Variants in METTL2A observed in about 807,000 individuals in gnomAD.
METTL2A encodes the protein methyltransferase 2A, tRNA N3-cytidine, also known as tRNA N(3)-cytidine methyltransferase METTL2A.
METTL2A carries 45 observed loss-of-function variants against 49.4 expected under a neutral mutation model. That is an observed-to-expected ratio of 0.91 (90% CI 0.72 to 1.17). METTL2A has a LOEUF of 1.17. Among genes scored for constraint, METTL2A ranks in the 50% most tolerant of loss-of-function variants. The pLI is 0.00. For missense variants in METTL2A, 361 were observed against 462.2 expected (o/e 0.78, Z 2.01); for synonymous variants, 118 against 167.5 (o/e 0.70, Z 2.28).
At position 62,440,855 on chromosome 17, in the gene METTL2A, G is replaced by A. The variant is rs957365853; in HGVS notation, c.809+99G>A. On this transcript the variant is annotated intron_variant, in intron 6 of 8. Coordinates refer to ENST00000311506, the MANE Select transcript of METTL2A (RefSeq NM_181725.4). ...GTTCTTGCTCTGTCAGCCCAGGCTGGAGTGCAGTGGCACGATCATGGCTCA... is the reference window on the plus strand; with the variant it reads ...GTTCTTGCTCTGTCAGCCCAGGCTGAAGTGCAGTGGCACGATCATGGCTCA... The A allele has an allele frequency of 6.9e-6, 10 of 1,446,358 alleles. No homozygotes were observed. The African/African-American group carries it at 1.0e-4, about 14-fold the overall frequency. 89.6% of individuals were successfully genotyped at this position (1,446,358 alleles called of 1,614,324 possible).
chr17:62,442,878 T>G (rs757511518), intron 6 of METTL2A, among the ~76,000 whole-genome samples: 1 of 152,160 alleles, frequency 6.6e-6, no homozygotes, highest in Admixed American at 6.6e-5. Context: ...GGACCAGTGA[T>G]TGAGATCCTG....
chr17:62,444,506 C>T (rs2070756213), intron 6 of METTL2A, among the ~76,000 whole-genome samples: 1 of 152,188 alleles, frequency 6.6e-6, no homozygotes, highest in African/African-American at 2.4e-5. Flanking sequence ...TCTCAAACTC[C>T]TGACCTCATG....
In METTL2A at chr17:62,426,304, T is replaced by C; in HGVS notation, c.208T>C (p.Tyr70His). 6.3e-7 allele frequency: 1 copy of C among 1,590,476 alleles called. No individual in the cohort carries two copies. The highest frequency in any genetic ancestry group is 8.6e-7 in the Non-Finnish European group (1 of 1,164,446). ...TTTTTCTTAAATATTTACAGTTGAT[T>C]ATGAGATCAATGCCCACAAATACTG... ...QRVCQEKQVD[Y>H]EINAHKYWND... Residue 70 changes from tyrosine (Y) to histidine (H), a missense_variant, in exon 3 of 9, where the codon TAT (tyrosine) becomes CAT (histidine). Tyr to His is a moderately conservative substitution (Grantham distance 83). This residue lies in a region of METTL2A where 150 missense variants were observed against 170.1 expected (regional missense o/e 0.88). Transcript: ENST00000311506.
intron 2 of METTL2A, among the ~76,000 whole-genome samples, chr17:62,424,995 C>T (rs956201402): frequency 2.0e-5 from 3 of 149,574 alleles, no homozygotes; most frequent in African/African-American, 5.0e-5. Flanking sequence ...AAAACATTCA[C>T]CCTGCATATT....
chr17:62,424,297 C>G lies in METTL2A; in HGVS notation c.189C>G (p.Cys63Trp), dbSNP rs750594685. ...AGGAGAACAGTATCCAGCGGGTGTG[C>G]CAGGAGAAACAAGGTGCGCTTAAAT... Reference protein sequence around the residue: ...KVQENSIQRVCQEKQVDYEIN... With the variant: ...KVQENSIQRVWQEKQVDYEIN... Residue 63 changes from cysteine to tryptophan, a missense_variant, in exon 2 of 9, where the codon TGC becomes TGG. By Grantham distance (215) the Cys-to-Trp change is radical (BLOSUM62 -2). Around this residue, in one of 3 missense-constraint regions of METTL2A, gnomAD observed 150 missense variants for 170.1 expected, o/e 0.88. Coordinates refer to ENST00000311506, the MANE Select transcript of METTL2A (RefSeq NM_181725.4). 23 of 1,613,752 alleles carry G rather than the reference C, an allele frequency of 1.4e-5. 1 individual carries two copies. The Admixed American group carries it at 3.8e-4, about 27-fold the overall frequency.
chr17:62,440,482 G>GA (rs995921250), intron 5 of METTL2A, 135 bp from the exon 6 acceptor site: 103 of 1,310,368 alleles, frequency 7.9e-5, no homozygotes, highest in South Asian at 9.8e-5. Context: ...TTTGCCTCAA[G>GA]AAAAAAAAGA....
At chr17:62,441,796 A>C (rs1483822930) in intron 6 of METTL2A, among the ~76,000 whole-genome samples, 1 of 147,846 alleles carries the variant, frequency 6.8e-6, no homozygotes, top group Non-Finnish European at 1.5e-5. Flanking sequence ...GCTGGGGTGC[A>C]GTGATGAGAT....
intron 6 of METTL2A, 141 bp from the exon 7 acceptor site, chr17:62,444,696 G>A (rs1197631937): frequency 2.6e-6 from 2 of 765,248 alleles, no homozygotes; most frequent in African/African-American, 3.5e-5. Flanking sequence ...AGTTCTAACT[G>A]AAGCAAGAGT....
rs2070812126 is a variant in METTL2A at position 62,452,689 on chromosome 17, C to G, written c.*3960C>G. On this transcript the variant is annotated 3_prime_UTR_variant, in exon 9 of 9. Coordinates refer to ENST00000311506, the MANE Select transcript of METTL2A (RefSeq NM_181725.4). ...AATGCAGCAGCACGATCACTGCTCA[C>G]TGCAGCCTCGACCTCCCAGGCTCAG... Among the ~76,000 whole-genome samples, 1 of 152,324 alleles carries G rather than the reference C, an allele frequency of 6.6e-6. No individual in the cohort carries two copies. The highest frequency in any genetic ancestry group is 1.5e-5 in the Non-Finnish European group (1 of 68,028).
In METTL2A at chr17:62,449,244, G is replaced by A. The variant is rs186864907; in HGVS notation, c.*515G>A. On this transcript the variant is annotated 3_prime_UTR_variant, in exon 9 of 9. Coordinates refer to ENST00000311506, the MANE Select transcript of METTL2A (RefSeq NM_181725.4). The stretch of plus-strand genomic sequence containing the variant: ...TAAATCTTTTGAGAATGTAAATGCC[G>A]GGCTAGGCAATTGCAGTTAATACAT... 5 of 267,350 alleles carry A rather than the reference G, an allele frequency of 1.9e-5. No individual in the cohort carries two copies. The East Asian group carries it at 4.5e-4, about 24-fold the overall frequency. The allele number at this position is 267,350 out of a possible 1,614,324, so 16.6% of individuals were successfully genotyped here. A position where few individuals can be genotyped will look rare whatever the true frequency, so the allele number is the denominator to read the frequency against.
chr17:62,440,472 T>A lies in METTL2A; in HGVS notation c.670-145T>A. On this transcript the variant is annotated intron_variant, in intron 5 of 8. Transcript: ENST00000311506. ...GCCAGCCTGGGCAACATGGGGAGAT[T>A]TTGCCTCAAGAAAAAAAAGAAAAAA... 4 of 1,188,578 alleles carry A rather than the reference T, an allele frequency of 3.4e-6. No homozygotes were observed. In the South Asian group the frequency reaches 5.1e-5, roughly 15 times the overall value. The allele number at this position is 1,188,578 out of a possible 1,614,324, so 73.6% of individuals were successfully genotyped here.
At chr17:62,424,166 C>T (rs1598028181) in intron 1 of METTL2A, 53 bp from the exon 2 acceptor site, 1 of 1,613,180 alleles carries the variant, frequency 6.2e-7, no homozygotes. Flanking sequence ...AGCGACTCAC[C>T]CTGCCCGCAG....
rs1267771515 is a variant in METTL2A, at chr17:62,423,906, G to A, written c.4G>A (p.Ala2Thr). The change falls in exon 1 of 9, where the codon GCC becomes ACC. Residue 2 changes from alanine to threonine, a missense_variant. Transcript: ENST00000311506. Reference sequence around the variant, plus strand: ...AAGTGTTTCCGGCTCCGGTGTCATGGCCGGCTCCTACCCTGAAGGTGCACC... The same window carrying A: ...AAGTGTTTCCGGCTCCGGTGTCATGACCGGCTCCTACCCTGAAGGTGCACC... M[A>T]GSYPEGAPAV... 4.3e-6 allele frequency: 7 copies of A among 1,612,620 alleles called. No individual in the cohort carries two copies. The highest frequency in any genetic ancestry group is 5.1e-6 in the Non-Finnish European group (6 of 1,179,490).
At chr17:62,448,490 A>G in intron 8 of METTL2A, 85 bp from the exon 9 acceptor site, 1 of 1,536,840 alleles carries the variant, frequency 6.5e-7, no homozygotes. Flanking sequence ...AACTTCCCAG[A>G]GCCCCTTTTA....
At position 62,451,889 on chromosome 17, in the gene METTL2A, T is replaced by A. The variant is rs2070808077; in HGVS notation, c.*3160T>A. Among the ~76,000 whole-genome samples, 2 of 86,916 alleles carry A rather than the reference T, an allele frequency of 2.3e-5. No homozygotes were observed. The highest frequency in any genetic ancestry group is 9.8e-5 in the African/African-American group (2 of 20,326). 57.0% of individuals were successfully genotyped at this position (86,916 alleles called of 152,430 possible). ...TGGGCAACAAGAGTGAAACTCCGTC[T>A]CAAAAAAAAAAAAAAAAAAAATTAG... On this transcript the variant is annotated 3_prime_UTR_variant, in exon 9 of 9. Coordinates refer to ENST00000311506, the MANE Select transcript of METTL2A (RefSeq NM_181725.4).
At chr17:62,432,744 G>A (rs1250378362) in intron 4 of METTL2A, among the ~76,000 whole-genome samples, 1 of 152,040 alleles carries the variant, frequency 6.6e-6, no homozygotes, top group Non-Finnish European at 1.5e-5. Flanking sequence ...GGAGCTTGCA[G>A]TGAGCGGAGA....
At chr17:62,448,501 A>G in intron 8 of METTL2A, 74 bp from the exon 9 acceptor site, 1 of 1,552,660 alleles carries the variant, frequency 6.4e-7, no homozygotes, top group African/African-American at 1.4e-5. Flanking sequence ...GCCCCTTTTA[A>G]CAAGGACTTA....
Position 62,448,722 on chromosome 17 carries a change from C to T in METTL2A, c.1130C>T (p.Thr377Ile). 1.2e-6 allele frequency: 2 copies of T among 1,613,886 alleles called. No homozygotes were observed. Among genetic ancestry groups the T allele is most frequent in the East Asian group, 4.5e-5 (2 of 44,870 alleles). Residue 377 changes from threonine (T) to isoleucine (I), a missense_variant, in exon 9 of 9, where the codon ACC becomes ATC. Physicochemically the swap from Thr to Ile is moderately conservative, Grantham distance 89. Transcript: ENST00000311506. ...TACTGCAAGCCCCTTCTGTCCAGCACCAGCTGAGAGGCACCTGCTGCCAAC... is the reference window on the plus strand; with the variant it reads ...TACTGCAAGCCCCTTCTGTCCAGCATCAGCTGAGAGGCACCTGCTGCCAAC... The part of the protein sequence containing the change: ...CKYCKPLLSS[T>I]S
In METTL2A at chr17:62,449,553, A is replaced by C; in HGVS notation, c.*824A>C. 1 of 335,316 alleles carries C rather than the reference A, an allele frequency of 3.0e-6. No homozygotes were observed. Among genetic ancestry groups the C allele is most frequent in the Non-Finnish European group, 5.7e-6 (1 of 174,380 alleles). 20.8% of individuals were successfully genotyped at this position (335,316 alleles called of 1,614,324 possible). On this transcript the variant is annotated 3_prime_UTR_variant, in exon 9 of 9. Transcript: ENST00000311506. ...TGGTGAAACCCCGTCTCTACTAAAG[A>C]TAAAAAAATTAGCTGAGTGTGTTGG... is the stretch of plus-strand genomic sequence containing the variant.
Sources: allele counts gnomAD v4.1 joint callset (sites outside exome capture counted in the v4.1 genomes callset), GRCh38; gene constraint gnomAD v4.1.1; regional missense constraint gnomAD v4.1.1; transcripts MANE v1.5; gene names NCBI Gene and HGNC (gene_info 2026-07-23, HGNC 2026-07-21).